Variants in TMTC3 observed in about 807,000 individuals in gnomAD.
TMTC3 encodes the protein transmembrane O-mannosyltransferase targeting cadherins 3.
Under a neutral mutation model 92.2 loss-of-function variants are expected in TMTC3, and 52 were observed. The observed-to-expected ratio is 0.56, with a 90% CI of 0.45 to 0.71. The LOEUF (loss-of-function observed/expected upper bound fraction) is 0.71, where lower values mean the gene tolerates loss of function less well. Ranked by LOEUF, TMTC3 falls within the 30% of genes least tolerant of loss-of-function variation. The probability of loss-of-function intolerance (pLI) is 0.00; values close to 1 mark genes in which losing one functional copy is unlikely to be tolerated. For missense variants in TMTC3, 896 were observed against 1,057.1 expected (o/e 0.85, Z 2.11); for synonymous variants, 339 against 363.3 (o/e 0.93, Z 0.76).
chr12:88,166,925 C>T (rs2041149811), intron 7 of TMTC3, among the ~76,000 whole-genome samples: 1 of 150,136 alleles, frequency 6.7e-6, no homozygotes, highest in East Asian at 1.9e-4. Flanking sequence ...TTCTCATGAG[C>T]AAGGTGGTTT....
chr12:88,146,883 CAGT>C lies in TMTC3; in HGVS notation c.-28-1401_-28-1399del, dbSNP rs1192440911. Among the ~76,000 whole-genome samples the C allele has an allele frequency of 2.0e-5, 3 of 149,836 alleles. No individual in the cohort carries two copies. In the East Asian group the frequency reaches 5.8e-4, roughly 29 times the overall value. On this transcript the variant is annotated intron_variant, in intron 1 of 13. Transcript: ENST00000266712. ...GTTGTGAATCCAGAAACTACATAGT[CAGT>C]AGTTTAATATGTTTATTATGTTTAA...
chr12:88,159,662 T>TA (rs1218499909), intron 4 of TMTC3, among the ~76,000 whole-genome samples: 7,895 of 143,228 alleles, frequency 0.055, 268 homozygotes, highest in Non-Finnish European at 0.081. Context: ...GACCCTGTCT[T>TA]AAAAAAAAAA....
At chr12:88,159,012 A>G (rs1244698399) in intron 4 of TMTC3, among the ~76,000 whole-genome samples, 1 of 148,848 alleles carries the variant, frequency 6.7e-6, no homozygotes, top group South Asian at 2.3e-4. Context: ...AGACCGTGCC[A>G]TTGCACTGTA....
intron 1 of TMTC3, among the ~76,000 whole-genome samples, chr12:88,144,931 A>T (rs1203266680): frequency 6.6e-6 from 1 of 152,122 alleles, no homozygotes; most frequent in Non-Finnish European, 1.5e-5. Context: ...AAGAAATGGG[A>T]CTTATGTGAC....
chr12:88,172,006 A>G (rs975495774), intron 7 of TMTC3, among the ~76,000 whole-genome samples: 4 of 152,044 alleles, frequency 2.6e-5, no homozygotes. Context: ...TCTGAGGAAT[A>G]TCTATTTAGC....
chr12:88,157,201 A>C (rs1782367992), intron 4 of TMTC3, among the ~76,000 whole-genome samples: 1 of 151,976 alleles, frequency 6.6e-6, no homozygotes, highest in South Asian at 2.1e-4. Context: ...ATTCTAATTG[A>C]AAAAATACTG....
intron 11 of TMTC3, 116 bp downstream of exon 11, chr12:88,189,062 T>G: frequency 1.5e-6 from 1 of 645,868 alleles, no homozygotes; most frequent in East Asian, 3.1e-5. Flanking sequence ...AAAGTAAGTT[T>G]TATAAAGAAT....
At position 88,197,845 on chromosome 12, in the gene TMTC3, A is replaced by T. The variant is rs1224367844; in HGVS notation, c.*2196A>T. The stretch of plus-strand genomic sequence containing the variant: ...ATCATCTGAGGACTTTTAATATGGA[A>T]TCCACCTCATAACAATTAAGTCTAA... On this transcript the variant is annotated 3_prime_UTR_variant, in exon 14 of 14. Coordinates refer to ENST00000266712, the MANE Select transcript of TMTC3 (RefSeq NM_181783.4). The T allele has an allele frequency of 6.6e-6, 1 of 152,142 alleles. No individual in the cohort carries two copies. The highest frequency in any genetic ancestry group is 1.5e-5 in the Non-Finnish European group (1 of 68,018). 9.4% of individuals were successfully genotyped at this position (152,142 alleles called of 1,614,324 possible).
At chr12:88,188,652 A>G (rs762768506) in intron 10 of TMTC3, among the ~76,000 whole-genome samples, 191 bp from the exon 11 acceptor site, 1 of 152,182 alleles carries the variant, frequency 6.6e-6, no homozygotes, top group South Asian at 2.1e-4. Context: ...AATTACAAGA[A>G]CTTTAAGGAA....
At position 88,195,407 on chromosome 12, in the gene TMTC3, A is replaced by C; in HGVS notation, c.2503A>C (p.Ser835Arg). The change falls in exon 14 of 14, where the codon AGT becomes CGT. Residue 835 changes from serine (S) to arginine (R), a missense_variant. Physicochemically the swap from Ser to Arg is moderately radical, Grantham distance 110. Coordinates refer to ENST00000266712, the MANE Select transcript of TMTC3 (RefSeq NM_181783.4). ...AATATTCCCAACCAGTAAGATTTCA[A>C]GTGTGGAAGGAAAGAAAATTCCAAC... ...EPIFPTSKIS[S>R]VEGKKIPTES... is the part of the protein sequence containing the mutation. 1 of 1,613,766 alleles carries C rather than the reference A, an allele frequency of 6.2e-7. No individual in the cohort carries two copies. The highest frequency in any genetic ancestry group is 8.5e-7 in the Non-Finnish European group (1 of 1,179,852).
rs1225596164 is a variant in TMTC3 at position 88,195,098 on chromosome 12, T to A, written c.2194T>A (p.Tyr732Asn). ...LPILEELLRY[Y>N]PDHIKGLILK... ...AATTTTGGAGGAGTTACTCAGATAC[T>A]ACCCTGATCATATCAAGGGCCTCAT... The change falls in exon 14 of 14, where the codon TAC (tyrosine) becomes AAC (asparagine). Residue 732 changes from tyrosine to asparagine, a missense_variant. Tyr to Asn is a moderately radical substitution (Grantham distance 143). Transcript: ENST00000266712. The A allele has an allele frequency of 1.2e-6, 2 of 1,613,840 alleles. No individual in the cohort carries two copies. The highest frequency in any genetic ancestry group is 1.7e-6 in the Non-Finnish European group (2 of 1,179,902).
At chr12:88,182,668 G>T (rs913880870) in intron 10 of TMTC3, among the ~76,000 whole-genome samples, 1 of 152,124 alleles carries the variant, frequency 6.6e-6, no homozygotes, top group African/African-American at 2.4e-5. Flanking sequence ...TACTGGCTCC[G>T]TTGGGGATGC....
At chr12:88,151,441 C>T (rs2040941805) in intron 2 of TMTC3, among the ~76,000 whole-genome samples, 1 of 151,934 alleles carries the variant, frequency 6.6e-6, no homozygotes, top group African/African-American at 2.4e-5. Context: ...TTTAATATGC[C>T]CGAAAGTAAT....
At chr12:88,194,085 G>T (rs1031803083) in intron 13 of TMTC3, among the ~76,000 whole-genome samples, 1 of 151,988 alleles carries the variant, frequency 6.6e-6, no homozygotes, top group Admixed American at 6.6e-5. Context: ...AGCAAGAAAT[G>T]ATGGCACATG....
At chr12:88,170,038 G>A (rs2471519) in intron 7 of TMTC3, among the ~76,000 whole-genome samples, 117,780 of 152,050 alleles carry the variant, frequency 0.77, 51,082 homozygotes, top group East Asian at 0.96. Flanking sequence ...GATTTGTCTC[G>A]AACTCTTTGC....
chr12:88,176,084 G>A (rs769394623), intron 9 of TMTC3, 124 bp from the exon 10 acceptor site: 95 of 645,470 alleles, frequency 1.5e-4, no homozygotes, highest in Middle Eastern at 1.4e-3. Flanking sequence ...TTTGACTCCT[G>A]TGTCATCCCC....
At chr12:88,182,249 T>C (rs2041326318) in intron 10 of TMTC3, among the ~76,000 whole-genome samples, 1 of 152,208 alleles carries the variant, frequency 6.6e-6, no homozygotes, top group Non-Finnish European at 1.5e-5. Flanking sequence ...GGGGAATGTT[T>C]AGTAGGGAAA....
In TMTC3 at chr12:88,156,810, TG is replaced by T. The variant is rs1166749669; in HGVS notation, c.508+2424del. Reference sequence around the variant, plus strand: ...AATGCTAAGGTTTTGTGTGTGTGTGTGTTTTTTTTTTTTTTTTTACAAAAAG... The same window carrying T: ...AATGCTAAGGTTTTGTGTGTGTGTGTTTTTTTTTTTTTTTTTTACAAAAAG... On this transcript the variant is annotated intron_variant, in intron 4 of 13. Transcript: ENST00000266712. 6.9e-4 allele frequency among the ~76,000 whole-genome samples: 81 copies of T among 116,678 alleles called. 1 individual carries two copies. The highest frequency in any genetic ancestry group is 1.9e-3 in the African/African-American group (70 of 37,500). 76.5% of individuals were successfully genotyped at this position (116,678 alleles called of 152,430 possible). A position where few individuals can be genotyped will look rare whatever the true frequency, so the allele number is the denominator to read the frequency against.
Position 88,160,871 on chromosome 12 carries a change from T to C in TMTC3, c.797+20T>C. 3.2e-6 allele frequency: 5 copies of C among 1,558,620 alleles called. No individual in the cohort carries two copies. Among genetic ancestry groups the C allele is most frequent in the Non-Finnish European group, 4.3e-6 (5 of 1,154,308 alleles). ...CACCAGGTATGAAATTCTGGTTCTT[T>C]GTTTTCTCCATTCTTTTTTTTAACT... On this transcript the variant is annotated intron_variant, in intron 6 of 13. Transcript: ENST00000266712.
Sources: allele counts gnomAD v4.1 joint callset (sites outside exome capture counted in the v4.1 genomes callset), GRCh38; gene constraint gnomAD v4.1.1; transcripts MANE v1.5; gene names NCBI Gene and HGNC (gene_info 2026-07-23, HGNC 2026-07-21).